PACRG: variants seen among roughly 807,000 people sequenced by gnomAD.
The protein encoded by PACRG is parkin coregulated gene protein.
A neutral mutation model predicts 29.7 loss-of-function variants in PACRG; 29 were observed. The observed-to-expected ratio is 0.98, with a 90% CI of 0.73 to 1.33. The LOEUF is 1.33. PACRG is among the 40% of genes most tolerant of loss of function. PACRG has a pLI of 0.00. For missense variants in PACRG, 279 were observed against 316.2 expected (o/e 0.88, Z 0.89); for synonymous variants, 116 against 118.7 (o/e 0.98, Z 0.15).
At chr6:163,123,612 T>C (rs1816394279) in intron 4 of PACRG, among the ~76,000 whole-genome samples, 1 of 152,194 alleles carries the variant, frequency 6.6e-6, no homozygotes, top group African/African-American at 2.4e-5. Flanking sequence ...GGAACTTATC[T>C]TGTGTAACTG....
chr6:163,281,279 A>G (rs1436744239), intron 4 of PACRG, among the ~76,000 whole-genome samples: 1 of 152,106 alleles, frequency 6.6e-6, no homozygotes, highest in East Asian at 1.9e-4. Flanking sequence ...ACTGGGAAAA[A>G]CACCCTCAGG....
At chr6:163,262,611 TG>T (rs1783370532) in intron 4 of PACRG, among the ~76,000 whole-genome samples, 1 of 152,092 alleles carries the variant, frequency 6.6e-6, no homozygotes, top group Admixed American at 6.6e-5. Context: ...TGCTCAGACA[TG>T]GCCATCGGCA....
chr6:163,030,076 T>C (rs1339629901), intron 2 of PACRG, among the ~76,000 whole-genome samples: 1 of 152,180 alleles, frequency 6.6e-6, no homozygotes, highest in Non-Finnish European at 1.5e-5. Context: ...TATTTCATGG[T>C]TTGTATTTTT....
chr6:162,769,603 G>A (rs1388199158), intron 1 of PACRG, among the ~76,000 whole-genome samples: 1 of 151,882 alleles, frequency 6.6e-6, no homozygotes, highest in Non-Finnish European at 1.5e-5. Flanking sequence ...ATCATGCACT[G>A]GTAAGAAGAA....
At chr6:162,775,793 A>G (rs1036285916) in intron 1 of PACRG, among the ~76,000 whole-genome samples, 3 of 152,198 alleles carry the variant, frequency 2.0e-5, no homozygotes, top group Non-Finnish European at 2.9e-5. Flanking sequence ...CTTAGCTAAC[A>G]CTTACGTATT....
chr6:163,232,890 C>G (rs779271017), intron 4 of PACRG, among the ~76,000 whole-genome samples: 3 of 152,138 alleles, frequency 2.0e-5, no homozygotes, highest in Non-Finnish European at 4.4e-5. Flanking sequence ...CTCCAGGAGC[C>G]TCCACCCCCG....
chr6:162,959,046 T>A (rs989823836), intron 2 of PACRG, among the ~76,000 whole-genome samples: 1 of 150,066 alleles, frequency 6.7e-6, no homozygotes, highest in African/African-American at 2.5e-5. Context: ...CCGGAGTAGC[T>A]GAGACTACAG....
At chr6:162,814,487 A>G (rs1205881750) in intron 2 of PACRG, among the ~76,000 whole-genome samples, 1 of 152,144 alleles carries the variant, frequency 6.6e-6, no homozygotes, top group Non-Finnish European at 1.5e-5. Context: ...GAAGAAAATG[A>G]CAGAGTTGCT....
At chr6:162,859,253 A>G (rs1169698813) in intron 2 of PACRG, among the ~76,000 whole-genome samples, 1 of 152,210 alleles carries the variant, frequency 6.6e-6, no homozygotes. Flanking sequence ...GTTGCAAGAA[A>G]TGTACAATGA....
intron 2 of PACRG, among the ~76,000 whole-genome samples, chr6:162,970,444 G>A (rs1465631945): frequency 6.6e-6 from 1 of 152,226 alleles, no homozygotes; most frequent in East Asian, 1.9e-4. Context: ...CCCTCTTCTC[G>A]TTTGGCAAGA....
intron 4 of PACRG, among the ~76,000 whole-genome samples, chr6:163,145,246 G>T (rs187245992): frequency 9.9e-5 from 15 of 152,284 alleles, no homozygotes; most frequent in Admixed American, 9.2e-4. Flanking sequence ...TAAACTGGAG[G>T]TTGTATATTT....
intron 4 of PACRG, among the ~76,000 whole-genome samples, chr6:163,136,536 T>C (rs1816943146): frequency 6.6e-6 from 1 of 152,256 alleles, no homozygotes; most frequent in African/African-American, 2.4e-5. Context: ...TTTAGAATTT[T>C]TTATACTTCA....
intron 2 of PACRG, among the ~76,000 whole-genome samples, chr6:162,898,211 C>G (rs551551342): frequency 6.6e-6 from 1 of 152,284 alleles, no homozygotes; most frequent in African/African-American, 2.4e-5. Flanking sequence ...GAGCTGCTCA[C>G]AGATAATGAA....
At chr6:162,988,896 A>C (rs922682850) in intron 2 of PACRG, among the ~76,000 whole-genome samples, 11 of 152,226 alleles carry the variant, frequency 7.2e-5, no homozygotes, top group Admixed American at 4.6e-4. Context: ...GTAGTTTTAC[A>C]AAATTTTGTG....
chr6:162,757,954 G>A (rs1016793467), intron 1 of PACRG, among the ~76,000 whole-genome samples: 5 of 151,968 alleles, frequency 3.3e-5, no homozygotes, highest in African/African-American at 1.2e-4. Flanking sequence ...AATTATACTC[G>A]AATTATTCTC....
chr6:163,286,607 A>C (rs904628165), intron 4 of PACRG, among the ~76,000 whole-genome samples: 4 of 152,238 alleles, frequency 2.6e-5, no homozygotes, highest in Admixed American at 2.6e-4. Flanking sequence ...GTCAAAGACC[A>C]TCTTGAGAAC....
intron 4 of PACRG, among the ~76,000 whole-genome samples, chr6:163,276,024 T>TTTCG (rs1784013318): frequency 6.7e-6 from 1 of 148,530 alleles, no homozygotes; most frequent in Non-Finnish European, 1.5e-5. Context: ...TCTTTCTTTC[T>TTTCG]TTCTTTCTTT....
At chr6:162,786,155 A>G (rs1784452134) in intron 1 of PACRG, among the ~76,000 whole-genome samples, 1 of 152,356 alleles carries the variant, frequency 6.6e-6, no homozygotes, top group East Asian at 1.9e-4. Context: ...TCACCAGAGC[A>G]TATCTGAACT....
intron 1 of PACRG, among the ~76,000 whole-genome samples, chr6:162,786,583 T>A (rs1019068737): frequency 6.6e-6 from 1 of 152,130 alleles, no homozygotes; most frequent in Non-Finnish European, 1.5e-5. Flanking sequence ...AGAGCCATAG[T>A]GTAGAGGAGG....
Sources: gnomAD v4.1 joint callset for allele counts (sites outside exome capture counted in the v4.1 genomes callset) on GRCh38, gnomAD v4.1.1 for gene constraint, MANE v1.5 for transcripts, NCBI Gene and HGNC (gene_info 2026-07-23, HGNC 2026-07-21) for gene names.